GRID2: variants seen among roughly 807,000 people sequenced by gnomAD.
GRID2 encodes glutamate receptor ionotropic, delta-2.
In GRID2, 33 loss-of-function variants were observed where a neutral mutation model predicts 114.8. The observed-to-expected ratio is 0.29, with a 90% CI of 0.22 to 0.38. The LOEUF (loss-of-function observed/expected upper bound fraction) is 0.38, where lower values mean the gene tolerates loss of function less well. Among genes scored for constraint, GRID2 ranks in the 10% least tolerant of loss-of-function variants. The probability of loss-of-function intolerance (pLI) is 1.00; values close to 1 mark genes in which losing one functional copy is unlikely to be tolerated. For synonymous variants in GRID2, 505 were observed against 449.9 expected, an observed-to-expected ratio of 1.12 and a Z score of -1.55; for missense variants, 1,184 against 1,257.7, an observed-to-expected ratio of 0.94 and a Z score of 0.89.
chr4:92,469,101 A>G (rs1166666449), intron 1 of GRID2, among the ~76,000 whole-genome samples: 1 of 152,124 alleles, frequency 6.6e-6, no homozygotes, highest in Admixed American at 6.6e-5. Context: ...TGAAGAGACT[A>G]CCTAACATAC....
chr4:92,764,935 T>G (rs528048172), intron 2 of GRID2, among the ~76,000 whole-genome samples: 4 of 152,192 alleles, frequency 2.6e-5, no homozygotes, highest in Non-Finnish European at 5.9e-5. Flanking sequence ...ATCAAATCTA[T>G]TAAATATTTT....
intron 2 of GRID2, among the ~76,000 whole-genome samples, chr4:92,683,298 C>T (rs77705238): frequency 6.6e-6 from 1 of 150,714 alleles, no homozygotes; most frequent in Non-Finnish European, 1.5e-5. Flanking sequence ...GACTCCATAT[C>T]AGAAAAAAAA....
intron 1 of GRID2, among the ~76,000 whole-genome samples, chr4:92,363,583 C>T (rs13115966): frequency 0.011 from 1,747 of 151,978 alleles, 17 homozygotes; most frequent in Middle Eastern, 0.02. Flanking sequence ...ACACAATTTA[C>T]GGTGATTCAT....
At chr4:93,103,890 A>G (rs1731940431) in intron 3 of GRID2, among the ~76,000 whole-genome samples, 1 of 151,576 alleles carries the variant, frequency 6.6e-6, no homozygotes, top group Non-Finnish European at 1.5e-5. Context: ...TCCCATAGAA[A>G]TGGGATTGAG....
chr4:92,851,122 T>C (rs1293866305), intron 2 of GRID2, among the ~76,000 whole-genome samples: 1 of 151,910 alleles, frequency 6.6e-6, no homozygotes, highest in Non-Finnish European at 1.5e-5. Flanking sequence ...CTTAATTATT[T>C]CAAATCAGGC....
intron 14 of GRID2, among the ~76,000 whole-genome samples, chr4:93,674,993 G>T (rs1454464680): frequency 2.0e-5 from 3 of 152,038 alleles, no homozygotes; most frequent in Non-Finnish European, 4.4e-5. Flanking sequence ...ACTTATCAAA[G>T]ATATTCTTTG....
intron 2 of GRID2, among the ~76,000 whole-genome samples, chr4:92,690,156 C>T (rs1213314589): frequency 6.6e-6 from 1 of 151,742 alleles, no homozygotes; most frequent in African/African-American, 2.4e-5. Flanking sequence ...TTCAACATGA[C>T]TTCCTTTCTA....
chr4:93,141,619 A>G (rs1425694445), intron 4 of GRID2, among the ~76,000 whole-genome samples: 2 of 152,254 alleles, frequency 1.3e-5, no homozygotes, highest in Non-Finnish European at 2.9e-5. Flanking sequence ...ACCACTACAG[A>G]GAGCTGCCAA....
At chr4:93,218,898 C>T (rs112067361) in intron 6 of GRID2, among the ~76,000 whole-genome samples, 31 of 152,188 alleles carry the variant, frequency 2.0e-4, no homozygotes, top group African/African-American at 5.3e-4. Flanking sequence ...GTGGAAAAGC[C>T]GCTTATAAAA....
At chr4:92,413,989 A>G (rs1273146118) in intron 1 of GRID2, among the ~76,000 whole-genome samples, 1 of 152,196 alleles carries the variant, frequency 6.6e-6, no homozygotes. Context: ...TGAGGTTAAC[A>G]TAAAAGAACA....
At chr4:92,832,073 A>T (rs1183494694) in intron 2 of GRID2, among the ~76,000 whole-genome samples, 5 of 152,108 alleles carry the variant, frequency 3.3e-5, no homozygotes, top group African/African-American at 1.2e-4. Flanking sequence ...ATATGTAAAG[A>T]TATATAAAAT....
At chr4:92,314,709 C>T (rs1725878390) in intron 1 of GRID2, among the ~76,000 whole-genome samples, 1 of 152,050 alleles carries the variant, frequency 6.6e-6, no homozygotes, top group Non-Finnish European at 1.5e-5. Context: ...ATATATGAAG[C>T]ATAAATGAAC....
chr4:93,505,869 G>A (rs1728577729), intron 12 of GRID2, among the ~76,000 whole-genome samples: 1 of 152,034 alleles, frequency 6.6e-6, no homozygotes, highest in Non-Finnish European at 1.5e-5. Flanking sequence ...GACACAATTA[G>A]TTTCTAGCTT....
At chr4:93,637,849 C>T (rs1189226925) in intron 14 of GRID2, among the ~76,000 whole-genome samples, 2 of 152,076 alleles carry the variant, frequency 1.3e-5, no homozygotes, top group South Asian at 2.1e-4. Flanking sequence ...TGGTGGAATT[C>T]GTAATTGCCT....
chr4:92,539,035 C>T (rs1474873847), intron 1 of GRID2, among the ~76,000 whole-genome samples: 2 of 131,708 alleles, frequency 1.5e-5, no homozygotes, highest in Non-Finnish European at 3.2e-5. Context: ...GAGCAAGACT[C>T]CATCTCAAAA....
At chr4:93,025,049 C>G (rs1723758233) in intron 2 of GRID2, among the ~76,000 whole-genome samples, 1 of 150,516 alleles carries the variant, frequency 6.6e-6, no homozygotes, top group African/African-American at 2.4e-5. Flanking sequence ...ACCTAGCACA[C>G]AGTAAGCCTT....
chr4:93,076,610 CTTTTTTTT>C (rs56357327), intron 2 of GRID2, among the ~76,000 whole-genome samples: 2 of 96,982 alleles, frequency 2.1e-5, no homozygotes, highest in African/African-American at 8.7e-5. Context: ...TCACCAACCT[CTTTTTTTT>C]TTTTTTTTTT....
Position 92,666,618 on chromosome 4 carries a change from A to AC in GRID2, c.244+76332_244+76333insC. 2.1e-5 allele frequency among the ~76,000 whole-genome samples: 3 copies of AC among 141,270 alleles called. No individual in the cohort carries two copies. The East Asian group carries it at 6.2e-4, about 29-fold the overall frequency. 92.7% of individuals were successfully genotyped at this position (141,270 alleles called of 152,430 possible). ...GAATGCTGTAGGCTATCTCTATGCC[A>AC]AGGATTAGGCTGATGTGTAAACTTA... On this transcript the variant is annotated intron_variant, in intron 2 of 15. Coordinates refer to ENST00000282020, the MANE Select transcript of GRID2 (RefSeq NM_001510.4).
At chr4:93,468,150 A>G (rs182414870) in intron 11 of GRID2, among the ~76,000 whole-genome samples, 63 of 152,278 alleles carry the variant, frequency 4.1e-4, no homozygotes, top group South Asian at 1.9e-3. Context: ...CAGTTTCATA[A>G]ATTGAGAAAA....
Sources: allele counts gnomAD v4.1 joint callset (sites outside exome capture counted in the v4.1 genomes callset), GRCh38; gene constraint gnomAD v4.1.1; transcripts MANE v1.5; gene names NCBI Gene and HGNC (gene_info 2026-07-23, HGNC 2026-07-21).